Variants in OR1J4 observed in about 807,000 individuals in gnomAD.
OR1J4 encodes the protein olfactory receptor 1J4.
For missense variants in OR1J4, 350 were observed against 371.1 expected, an observed-to-expected ratio of 0.94 and a Z score of 0.47; for synonymous variants, 154 against 152.6, an observed-to-expected ratio of 1.01 and a Z score of -0.07.
chr9:122,519,265 A>C lies in OR1J4; in HGVS notation c.125A>C (p.Asn42Thr), dbSNP rs576044843. 1.2e-6 allele frequency: 2 copies of C among 1,613,866 alleles called. No individual in the cohort carries two copies. Among genetic ancestry groups the C allele is most frequent in the African/African-American group, 2.7e-5 (2 of 74,952 alleles). The change falls in exon 1 of 1, where the codon AAC (asparagine) becomes ACC (threonine). Residue 42 changes from asparagine to threonine, a missense_variant. By Grantham distance (65) the Asn-to-Thr change is moderately conservative. Transcript: ENST00000340750. Reference protein sequence around the residue: ...LGMYLITVLGNLLIILLIRLD... With the variant: ...LGMYLITVLGTLLIILLIRLD... ...ATGTACCTGATCACGGTGCTGGGGA[A>C]CCTGCTCATCATCCTGCTCATCCGG...
Position 122,519,773 on chromosome 9 carries a change from A to C in OR1J4, c.633A>C (p.Leu211=). 1 of 1,614,074 alleles carries C rather than the reference A, an allele frequency of 6.2e-7. No individual in the cohort carries two copies. The highest frequency in any genetic ancestry group is 8.5e-7 in the Non-Finnish European group (1 of 1,179,992). The part of the protein sequence containing the change: ...TVGQAVITLP[L]ICILISYGHI... ...GACAGGCAGTCATTACTCTACCACTAATATGCATCTTGATCTCTTATGGCC... is the reference window on the plus strand; with the variant it reads ...GACAGGCAGTCATTACTCTACCACTCATATGCATCTTGATCTCTTATGGCC... Residue 211 remains leucine, a synonymous_variant, in exon 1 of 1, where the codon CTA becomes CTC. Transcript: ENST00000340750.
Position 122,519,195 on chromosome 9 carries a change from A to G in OR1J4, c.55A>G (p.Ile19Val). The G allele has an allele frequency of 6.2e-7, 1 of 1,613,898 alleles. No homozygotes were observed. Among genetic ancestry groups the G allele is most frequent in the African/African-American group, 1.3e-5 (1 of 75,026 alleles). Residue 19 changes from isoleucine to valine, a missense_variant, in exon 1 of 1, where the codon ATC (isoleucine) becomes GTC (valine). Coordinates refer to ENST00000340750, the MANE Select transcript of OR1J4 (RefSeq NM_001004452.1). ...VSEFLLLDLP[I>V]WPEQQAVFFT... ...TGAGTTCCTCCTCCTGGACCTCCCC[A>G]TCTGGCCAGAGCAGCAGGCTGTGTT...
chr9:122,519,464 T>C lies in OR1J4; in HGVS notation c.324T>C (p.Thr108=), dbSNP rs1828744679. ...VTQMYFFIFF[T]DLDNFLLTSM... ...AGATGTATTTTTTCATATTTTTCAC[T>C]GATCTAGACAATTTCCTTCTCACTT... is the stretch of plus-strand genomic sequence containing the variant. The change falls in exon 1 of 1, where the codon ACT becomes ACC. Residue 108 remains threonine (T), a synonymous_variant. Transcript: ENST00000340750. 6.2e-7 allele frequency: 1 copy of C among 1,614,092 alleles called. No homozygotes were observed. Among genetic ancestry groups the C allele is most frequent in the South Asian group, 1.1e-5 (1 of 91,086 alleles).
chr9:122,519,335 C>G lies in OR1J4; in HGVS notation c.195C>G (p.His65Gln). 6.2e-7 allele frequency: 1 copy of G among 1,614,178 alleles called. No individual in the cohort carries two copies. The highest frequency in any genetic ancestry group is 8.5e-7 in the Non-Finnish European group (1 of 1,180,026). Residue 65 changes from histidine (H) to glutamine (Q), a missense_variant, in exon 1 of 1, where the codon CAC becomes CAG. Transcript: ENST00000340750. Reference protein sequence around the residue: ...LHTPMFFFLSHLALTDISLSS... With the variant: ...LHTPMFFFLSQLALTDISLSS... ...CCCCCATGTTCTTCTTCCTCAGCCA[C>G]TTGGCTCTCACTGACATCTCCCTTT...
rs748127948 is a variant in OR1J4, at chr9:122,519,360, T to A, written c.220T>A (p.Ser74Thr). 1.2e-6 allele frequency: 2 copies of A among 1,614,164 alleles called. No homozygotes were observed. The highest frequency in any genetic ancestry group is 1.7e-6 in the Non-Finnish European group (2 of 1,180,014). ...CTTGGCTCTCACTGACATCTCCCTT[T>A]CATCTGTCACTGTCCCAAAGATGTT... The part of the protein sequence containing the change: ...SHLALTDISL[S>T]SVTVPKMLLS... The change falls in exon 1 of 1, where the codon TCA (serine) becomes ACA (threonine). Residue 74 changes from serine to threonine, a missense_variant. Transcript: ENST00000340750.
At position 122,519,528 on chromosome 9, in the gene OR1J4, C is replaced by A; in HGVS notation, c.388C>A (p.Leu130Ile). ...TCGGTATGTGGCCATCTGTCACCCCCTCCGCTACACCACTATCATGAAAGA... is the reference window on the plus strand; with the variant it reads ...TCGGTATGTGGCCATCTGTCACCCCATCCGCTACACCACTATCATGAAAGA... Reference protein sequence around the residue: ...YDRYVAICHPLRYTTIMKEGL... With the variant: ...YDRYVAICHPIRYTTIMKEGL... Residue 130 changes from leucine to isoleucine, a missense_variant, in exon 1 of 1, where the codon CTC (leucine) becomes ATC (isoleucine). Physicochemically the swap from Leu to Ile is conservative, Grantham distance 5 (BLOSUM62 2). Transcript: ENST00000340750. 1 of 1,614,182 alleles carries A rather than the reference C, an allele frequency of 6.2e-7. No homozygotes were observed. Among genetic ancestry groups the A allele is most frequent in the African/African-American group, 1.3e-5 (1 of 75,038 alleles).
chr9:122,519,311 C>G lies in OR1J4; in HGVS notation c.171C>G (p.Thr57=), dbSNP rs927900195. The change falls in exon 1 of 1, where the codon ACC becomes ACG. Residue 57 remains threonine, a synonymous_variant. Transcript: ENST00000340750. ...LLIRLDSHLH[T]PMFFFLSHLA... ...TCCGGCTGGACTCTCACCTTCACAC[C>G]CCCATGTTCTTCTTCCTCAGCCACT... 1.2e-6 allele frequency: 2 copies of G among 1,614,092 alleles called. No individual in the cohort carries two copies. Among genetic ancestry groups the G allele is most frequent in the African/African-American group, 1.3e-5 (1 of 75,026 alleles).
Position 122,519,298 on chromosome 9 carries a change from C to T in OR1J4, c.158C>T (p.Ser53Phe), listed in dbSNP as rs200165933. 2 of 1,614,074 alleles carry T rather than the reference C, an allele frequency of 1.2e-6. No homozygotes were observed. Among genetic ancestry groups the T allele is most frequent in the East Asian group, 2.2e-5 (1 of 44,858 alleles). Reference sequence around the variant, plus strand: ...ATCATCCTGCTCATCCGGCTGGACTCTCACCTTCACACCCCCATGTTCTTC... The same window carrying T: ...ATCATCCTGCTCATCCGGCTGGACTTTCACCTTCACACCCCCATGTTCTTC... The part of the protein sequence containing the change: ...LLIILLIRLD[S>F]HLHTPMFFFL... Residue 53 changes from serine (S) to phenylalanine (F), a missense_variant, in exon 1 of 1, where the codon TCT becomes TTT. Coordinates refer to ENST00000340750, the MANE Select transcript of OR1J4 (RefSeq NM_001004452.1).
At position 122,519,382 on chromosome 9, in the gene OR1J4, T is replaced by A. The variant is rs372437155; in HGVS notation, c.242T>A (p.Met81Lys). The A allele has an allele frequency of 3.1e-6, 5 of 1,614,196 alleles. No homozygotes were observed. The highest frequency in any genetic ancestry group is 4.2e-6 in the Non-Finnish European group (5 of 1,180,014). ...CTTTCATCTGTCACTGTCCCAAAGA[T>A]GTTATTAAGCATGCAAACTCAGGAT... ...ISLSSVTVPK[M>K]LLSMQTQDQS... Residue 81 changes from methionine (M) to lysine (K), a missense_variant, in exon 1 of 1, where the codon ATG becomes AAG. Coordinates refer to ENST00000340750, the MANE Select transcript of OR1J4 (RefSeq NM_001004452.1).
chr9:122,519,340 C>T lies in OR1J4; in HGVS notation c.200C>T (p.Ala67Val), dbSNP rs1828742375. 6.2e-7 allele frequency: 1 copy of T among 1,614,174 alleles called. No homozygotes were observed. Among genetic ancestry groups the T allele is most frequent in the Non-Finnish European group, 8.5e-7 (1 of 1,180,034 alleles). Residue 67 changes from alanine (A) to valine (V), a missense_variant, in exon 1 of 1, where the codon GCT becomes GTT. Physicochemically the swap from Ala to Val is moderately conservative, Grantham distance 64 (BLOSUM62 0). Transcript: ENST00000340750. ...TPMFFFLSHL[A>V]LTDISLSSVT... ...ATGTTCTTCTTCCTCAGCCACTTGG[C>T]TCTCACTGACATCTCCCTTTCATCT... is the stretch of plus-strand genomic sequence containing the variant.
rs1419330594 is a variant in OR1J4 at position 122,519,351 on chromosome 9, A to G, written c.211A>G (p.Ile71Val). Residue 71 changes from isoleucine to valine, a missense_variant, in exon 1 of 1, where the codon ATC becomes GTC. Ile to Val is a conservative substitution (Grantham distance 29, BLOSUM62 3). Transcript: ENST00000340750. Reference sequence around the variant, plus strand: ...CCTCAGCCACTTGGCTCTCACTGACATCTCCCTTTCATCTGTCACTGTCCC... The same window carrying G: ...CCTCAGCCACTTGGCTCTCACTGACGTCTCCCTTTCATCTGTCACTGTCCC... ...FFLSHLALTD[I>V]SLSSVTVPKM... is the part of the protein sequence containing the mutation. The G allele has an allele frequency of 2.5e-6, 4 of 1,613,920 alleles. No individual in the cohort carries two copies. In the African/African-American group the frequency reaches 5.3e-5, roughly 22 times the overall value.
chr9:122,519,929 A>G lies in OR1J4; in HGVS notation c.789A>G (p.Ser263=), dbSNP rs770085445. ...TTATTGGACTGTATTTTCTCCCCTC[A>G]TCCAGTGCCTCCAGTGACAAGGACG... The part of the protein sequence containing the change: ...GTIIGLYFLP[S]SSASSDKDVI... The change falls in exon 1 of 1, where the codon TCA becomes TCG. Residue 263 remains serine, a synonymous_variant. Transcript: ENST00000340750. 38 of 1,613,940 alleles carry G rather than the reference A, an allele frequency of 2.4e-5. No homozygotes were observed. Among genetic ancestry groups the G allele is most frequent in the Non-Finnish European group, 3.1e-5 (37 of 1,179,972 alleles).
rs769559426 is a variant in OR1J4, at chr9:122,519,296, C to T, written c.156C>T (p.Asp52=). Residue 52 remains aspartate (D), a synonymous_variant, in exon 1 of 1, where the codon GAC becomes GAT. Coordinates refer to ENST00000340750, the MANE Select transcript of OR1J4 (RefSeq NM_001004452.1). ...TCATCATCCTGCTCATCCGGCTGGA[C>T]TCTCACCTTCACACCCCCATGTTCT... ...NLLIILLIRL[D]SHLHTPMFFF... The T allele has an allele frequency of 2.5e-6, 4 of 1,614,044 alleles. No individual in the cohort carries two copies. The highest frequency in any genetic ancestry group is 2.5e-6 in the Non-Finnish European group (3 of 1,180,038).
Position 122,519,278 on chromosome 9 carries a change from C to G in OR1J4, c.138C>G (p.Ile46Met), listed in dbSNP as rs1190643636. The change falls in exon 1 of 1, where the codon ATC becomes ATG. Residue 46 changes from isoleucine to methionine, a missense_variant. Coordinates refer to ENST00000340750, the MANE Select transcript of OR1J4 (RefSeq NM_001004452.1). ...CGGTGCTGGGGAACCTGCTCATCAT[C>G]CTGCTCATCCGGCTGGACTCTCACC... Reference protein sequence around the residue: ...LITVLGNLLIILLIRLDSHLH... With the variant: ...LITVLGNLLIMLLIRLDSHLH... The G allele has an allele frequency of 1.2e-6, 2 of 1,614,022 alleles. No homozygotes were observed. Among genetic ancestry groups the G allele is most frequent in the Admixed American group, 1.7e-5 (1 of 60,010 alleles).
Position 122,519,625 on chromosome 9 carries a change from T to C in OR1J4, c.485T>C (p.Leu162Pro), listed in dbSNP as rs1364993068. 7.4e-6 allele frequency: 12 copies of C among 1,614,014 alleles called. No individual in the cohort carries two copies. Among genetic ancestry groups the C allele is most frequent in the African/African-American group, 4.0e-5 (3 of 74,914 alleles). ...ACCAATGCCCTGTCTCACACTCTCC[T>C]CCTGGCCCAGCTGTCCTTTTGTGCT... ...SCTNALSHTL[L>P]LAQLSFCADN... The change falls in exon 1 of 1, where the codon CTC becomes CCC. Residue 162 changes from leucine to proline, a missense_variant. Leu to Pro is a moderately conservative substitution (Grantham distance 98). Transcript: ENST00000340750.
rs1307884847 is a variant in OR1J4 at position 122,519,652 on chromosome 9, AC to A, written c.513del (p.Asp171GlufsTer41). On this transcript the variant is annotated frameshift_variant, in exon 1 of 1. Transcript: ENST00000340750. LOFTEE classifies it low-confidence loss of function (END_TRUNC). ...LLLAQLSFCA[D>X]NTIPHFFCDL... ...CTGGCCCAGCTGTCCTTTTGTGCTGACAACACCATCCCCCATTTCTTCTGTG... is the reference window on the plus strand; with the variant it reads ...CTGGCCCAGCTGTCCTTTTGTGCTGAAACACCATCCCCCATTTCTTCTGTG... 5.0e-6 allele frequency: 8 copies of A among 1,613,926 alleles called. No homozygotes were observed. Among genetic ancestry groups the A allele is most frequent in the Non-Finnish European group, 6.8e-6 (8 of 1,180,012 alleles).
In OR1J4 at chr9:122,519,795, G is replaced by A. The variant is rs1453965837; in HGVS notation, c.655G>A (p.Gly219Ser). Reference protein sequence around the residue: ...LPLICILISYGHIGVTILKAP... With the variant: ...LPLICILISYSHIGVTILKAP... ...ACTAATATGCATCTTGATCTCTTATGGCCACATTGGGGTCACCATCCTCAA... is the reference window on the plus strand; with the variant it reads ...ACTAATATGCATCTTGATCTCTTATAGCCACATTGGGGTCACCATCCTCAA... The change falls in exon 1 of 1, where the codon GGC becomes AGC. Residue 219 changes from glycine (G) to serine (S), a missense_variant. Gly to Ser is a moderately conservative substitution (Grantham distance 56). Coordinates refer to ENST00000340750, the MANE Select transcript of OR1J4 (RefSeq NM_001004452.1). 2 of 1,613,962 alleles carry A rather than the reference G, an allele frequency of 1.2e-6. No individual in the cohort carries two copies. The highest frequency in any genetic ancestry group is 1.7e-6 in the Non-Finnish European group (2 of 1,180,024).
At position 122,519,515 on chromosome 9, in the gene OR1J4, C is replaced by T. The variant is rs1828745605; in HGVS notation, c.375C>T (p.Ala125=). ...CAATGGCATACGATCGGTATGTGGC[C>T]ATCTGTCACCCCCTCCGCTACACCA... ...LTSMAYDRYV[A]ICHPLRYTTI... Residue 125 remains alanine (A), a synonymous_variant, in exon 1 of 1, where the codon GCC becomes GCT. Coordinates refer to ENST00000340750, the MANE Select transcript of OR1J4 (RefSeq NM_001004452.1). 1.8e-5 allele frequency: 29 copies of T among 1,614,114 alleles called. No homozygotes were observed. The highest frequency in any genetic ancestry group is 2.3e-5 in the Non-Finnish European group (27 of 1,180,016).
At position 122,519,345 on chromosome 9, in the gene OR1J4, AC is replaced by A; in HGVS notation, c.206del (p.Thr69MetfsTer15). ...MFFFLSHLAL[T>X]DISLSSVTVP... ...CTTCTTCCTCAGCCACTTGGCTCTC[AC>A]TGACATCTCCCTTTCATCTGTCACT... is the stretch of plus-strand genomic sequence containing the variant. On this transcript the variant is annotated frameshift_variant, in exon 1 of 1. Transcript: ENST00000340750. LOFTEE classifies it low-confidence loss of function (END_TRUNC). The A allele has an allele frequency of 1.2e-6, 2 of 1,614,078 alleles. No homozygotes were observed. The highest frequency in any genetic ancestry group is 1.7e-6 in the Non-Finnish European group (2 of 1,180,012).
Sources: gnomAD v4.1 joint callset for allele counts on GRCh38, gnomAD v4.1.1 for gene constraint, MANE v1.5 for transcripts, NCBI Gene and HGNC (gene_info 2026-07-23, HGNC 2026-07-21) for gene names.